Variants in STXBP6 observed in about 807,000 individuals in gnomAD.
STXBP6 encodes the protein syntaxin-binding protein 6.
STXBP6 carries 21 observed loss-of-function variants against 26.9 expected under a neutral mutation model. The observed-to-expected ratio is 0.78, with a 90% confidence interval of 0.55 to 1.12. The LOEUF (loss-of-function observed/expected upper bound fraction) is 1.12, where lower values mean the gene tolerates loss of function less well. Ranked by LOEUF, STXBP6 falls within the 50% of genes most tolerant of loss-of-function variation. STXBP6 has a pLI of 0.00. For synonymous variants in STXBP6, 97 were observed against 92.6 expected, an observed-to-expected ratio of 1.05 and a Z score of -0.27; for missense variants, 232 against 257.9, an observed-to-expected ratio of 0.90 and a Z score of 0.69.
rs184820799 is a variant in STXBP6 at position 24,924,560 on chromosome 14, C to T, written c.154+50105G>A. The stretch of plus-strand genomic sequence containing the variant: ...AAGCATAGCAAGGGTCATGATCCAG[C>T]TTTAGTTCTTATTCATTAAGAATAA... On this transcript the variant is annotated intron_variant, in intron 2 of 5. Transcript: ENST00000323944. 2.3e-3 allele frequency among the ~76,000 whole-genome samples: 349 copies of T among 152,206 alleles called. 1 individual carries two copies. Among genetic ancestry groups the T allele is most frequent in the African/African-American group, 7.9e-3 (327 of 41,516 alleles).
chr14:25,005,779 T>C (rs1264279797), intron 1 of STXBP6, among the ~76,000 whole-genome samples: 1 of 148,798 alleles, frequency 6.7e-6, no homozygotes. Context: ...AAAATAATTC[T>C]ACAAATTTAA....
intron 4 of STXBP6, among the ~76,000 whole-genome samples, chr14:24,834,682 A>C (rs765456250): frequency 5.3e-5 from 8 of 152,194 alleles, no homozygotes; most frequent in African/African-American, 9.6e-5. Context: ...TGATTAGACC[A>C]TTGTAAATAT....
At chr14:24,967,255 T>C (rs1013157160) in intron 2 of STXBP6, among the ~76,000 whole-genome samples, 1 of 152,210 alleles carries the variant, frequency 6.6e-6, no homozygotes, top group African/African-American at 2.4e-5. Context: ...AGAATATGTC[T>C]GAACTCAATA....
intron 2 of STXBP6, among the ~76,000 whole-genome samples, chr14:24,963,230 A>G (rs1020044157): frequency 2.0e-5 from 3 of 152,232 alleles, no homozygotes; most frequent in African/African-American, 4.8e-5. Flanking sequence ...AGGATTCTGA[A>G]CAGAGGTATA....
At chr14:24,968,402 G>T (rs544830338) in intron 2 of STXBP6, among the ~76,000 whole-genome samples, 1 of 151,638 alleles carries the variant, frequency 6.6e-6, no homozygotes, top group South Asian at 2.1e-4. Flanking sequence ...GATGAGAGCC[G>T]GTCTGAATTA....
At chr14:24,855,697 T>C (rs537392818) in intron 4 of STXBP6, among the ~76,000 whole-genome samples, 16 of 152,188 alleles carry the variant, frequency 1.1e-4, no homozygotes, top group African/African-American at 3.6e-4. Flanking sequence ...TAAGTGCAGA[T>C]AAGAACTAGA....
At chr14:24,903,723 T>A (rs1385889772) in intron 2 of STXBP6, among the ~76,000 whole-genome samples, 1 of 152,184 alleles carries the variant, frequency 6.6e-6, no homozygotes, top group Non-Finnish European at 1.5e-5. Flanking sequence ...TAAAAAAGAA[T>A]ATGAACTTAA....
rs562988753 is a variant in STXBP6 at position 25,049,226 on chromosome 14, C to T, written c.-33+652G>A. The stretch of plus-strand genomic sequence containing the variant: ...ACCCACCTACTCCAGCCACGTTGCC[C>T]GGCGGTGTTGGTGAGGCTCGATGCC... On this transcript the variant is annotated intron_variant, in intron 1 of 5. Transcript: ENST00000323944. This position sits in a 1 kb window ranked among gnomAD's most constrained non-coding sequence, Gnocchi z 5.6. The T allele has an allele frequency of 3.1e-4, 306 of 985,418 alleles. No homozygotes were observed. In the Middle Eastern group the frequency reaches 4.2e-3, roughly 13 times the overall value. 61.0% of individuals were successfully genotyped at this position (985,418 alleles called of 1,614,324 possible).
At chr14:25,010,229 G>C (rs2074998270) in intron 1 of STXBP6, among the ~76,000 whole-genome samples, 2 of 152,198 alleles carry the variant, frequency 1.3e-5, no homozygotes, top group Admixed American at 1.3e-4. Context: ...TTTGAAAAGA[G>C]ATTTATGGAC....
intron 4 of STXBP6, among the ~76,000 whole-genome samples, chr14:24,849,577 G>C (rs1452701375): frequency 6.6e-6 from 1 of 152,086 alleles, no homozygotes; most frequent in African/African-American, 2.4e-5. Context: ...AGTTCCTCAT[G>C]AATCATTTTC....
chr14:24,814,763 A>G (rs2067922169), intron 5 of STXBP6, among the ~76,000 whole-genome samples: 1 of 152,204 alleles, frequency 6.6e-6, no homozygotes, highest in Non-Finnish European at 1.5e-5. Context: ...TTAGGTCATG[A>G]GGGCAGAGCA....
intron 2 of STXBP6, among the ~76,000 whole-genome samples, chr14:24,942,130 T>C (rs2139995988): frequency 6.6e-6 from 1 of 152,252 alleles, no homozygotes; most frequent in South Asian, 2.1e-4. Flanking sequence ...TAGGATGGAA[T>C]TTGACAAAAT....
intron 1 of STXBP6, among the ~76,000 whole-genome samples, chr14:25,016,294 A>G (rs1052169159): frequency 2.6e-5 from 4 of 152,026 alleles, no homozygotes; most frequent in African/African-American, 7.3e-5. Context: ...GATTGACTCT[A>G]TTTTCCCCAG....
At chr14:25,040,642 C>G (rs1296217700) in intron 1 of STXBP6, among the ~76,000 whole-genome samples, 1 of 151,972 alleles carries the variant, frequency 6.6e-6, no homozygotes, top group East Asian at 1.9e-4. Flanking sequence ...GATAAAGAAA[C>G]AAAAAATAAT....
chr14:24,881,461 C>A (rs1366991192), intron 2 of STXBP6, among the ~76,000 whole-genome samples: 1 of 152,114 alleles, frequency 6.6e-6, no homozygotes, highest in Non-Finnish European at 1.5e-5. Flanking sequence ...AGTGGGAAAA[C>A]ACCTGAATCA....
intron 1 of STXBP6, among the ~76,000 whole-genome samples, chr14:25,037,098 A>G (rs1384890278): frequency 6.6e-6 from 1 of 152,192 alleles, no homozygotes; most frequent in Non-Finnish European, 1.5e-5. Flanking sequence ...AGAATGTGGC[A>G]GGACCCTGAA....
Position 24,944,230 on chromosome 14 carries a change from G to A in STXBP6, c.154+30435C>T, listed in dbSNP as rs141451731. The stretch of plus-strand genomic sequence containing the variant: ...GAGGAACCTATTGAGTTCTGCCACC[G>A]CACGGAAGGTATCATCCCATCCTCA... On this transcript the variant is annotated intron_variant, in intron 2 of 5. Transcript: ENST00000323944. 3.2e-4 allele frequency among the ~76,000 whole-genome samples: 48 copies of A among 152,218 alleles called. No homozygotes were observed. The East Asian group carries it at 8.3e-3, about 26-fold the overall frequency.
intron 2 of STXBP6, among the ~76,000 whole-genome samples, chr14:24,936,496 A>G (rs1044920106): frequency 2.0e-5 from 3 of 152,234 alleles, no homozygotes; most frequent in Non-Finnish European, 2.9e-5. Context: ...CTATTCTTAC[A>G]GATTAGATTT....
At chr14:25,026,771 G>A (rs934298345) in intron 1 of STXBP6, among the ~76,000 whole-genome samples, 16 of 152,120 alleles carry the variant, frequency 1.1e-4, no homozygotes, top group African/African-American at 3.9e-4. Context: ...CCAAACAGCA[G>A]CAGACAGGTA....
Sources: allele counts gnomAD v4.1 joint callset (sites outside exome capture counted in the v4.1 genomes callset), GRCh38; gene constraint gnomAD v4.1.1; non-coding constraint Gnocchi (gnomAD v3.1); transcripts MANE v1.5; gene names NCBI Gene and HGNC (gene_info 2026-07-23, HGNC 2026-07-21).